The following LRRIQ1 variants were observed in gnomAD, a reference collection of about 807,000 sequenced individuals.
LRRIQ1 encodes leucine rich repeats and IQ motif containing 1, also known as leucine-rich repeat- and IQ domain-containing protein 1.
Under a neutral mutation model 211.9 loss-of-function variants are expected in LRRIQ1, and 210 were observed. The observed-to-expected ratio is 0.99, with a 90% CI of 0.89 to 1.11. The LOEUF is 1.11. Among genes scored for constraint, LRRIQ1 ranks in the 50% most tolerant of loss-of-function variants. The probability of loss-of-function intolerance (pLI) is 0.00; values close to 1 mark genes in which losing one functional copy is unlikely to be tolerated. For missense variants in LRRIQ1, 2,136 were observed against 1,939.5 expected (o/e 1.10, Z -1.90); for synonymous variants, 699 against 650.1 (o/e 1.08, Z -1.14).
intron 24 of LRRIQ1, among the ~76,000 whole-genome samples, chr12:85,227,862 A>G (rs1013499200): frequency 1.3e-5 from 2 of 152,196 alleles, no homozygotes; most frequent in African/African-American, 4.8e-5. Flanking sequence ...CTCAGCAATA[A>G]TACCACACAT....
intron 15 of LRRIQ1, among the ~76,000 whole-genome samples, chr12:85,116,620 A>G (rs952780006): frequency 2.0e-5 from 3 of 152,148 alleles, no homozygotes; most frequent in Non-Finnish European, 4.4e-5. Flanking sequence ...AACACATGTC[A>G]TGGGGGTTTG....
chr12:85,103,398 T>G (rs1886533633), intron 13 of LRRIQ1, among the ~76,000 whole-genome samples: 1 of 151,696 alleles, frequency 6.6e-6, no homozygotes, highest in Non-Finnish European at 1.5e-5. Context: ...ATTTACATAT[T>G]GAGTATATTT....
chr12:85,036,523 C>T (rs1878096394), intron 1 of LRRIQ1, 116 bp downstream of exon 1: 1 of 152,224 alleles, frequency 6.6e-6, no homozygotes, highest in South Asian at 2.1e-4. Context: ...GGAGAGACCG[C>T]GGGTCAGGGG....
At chr12:85,241,048 G>A (rs1895435432) in intron 26 of LRRIQ1, among the ~76,000 whole-genome samples, 1 of 152,060 alleles carries the variant, frequency 6.6e-6, no homozygotes, top group African/African-American at 2.4e-5. Flanking sequence ...ATTAGGGCAT[G>A]TGAAAGCTAG....
At chr12:85,129,567 A>G (rs565580876) in intron 18 of LRRIQ1, among the ~76,000 whole-genome samples, 1 of 152,302 alleles carries the variant, frequency 6.6e-6, no homozygotes, top group East Asian at 1.9e-4. Flanking sequence ...ATGGATGTGT[A>G]AGACCAGGAA....
rs567289168 is a variant in LRRIQ1 at position 85,072,063 on chromosome 12, A to T, written c.2696-844A>T. Among the ~76,000 whole-genome samples, 9 of 152,124 alleles carry T rather than the reference A, an allele frequency of 5.9e-5. No homozygotes were observed. In the East Asian group the frequency reaches 1.6e-3, roughly 26 times the overall value. On this transcript the variant is annotated intron_variant, in intron 10 of 26. Coordinates refer to ENST00000393217, the MANE Select transcript of LRRIQ1 (RefSeq NM_001079910.2). ...TTCTATTTTGAGTTAAATATTTCAT[A>T]CAATTATTTTTAAATTTTTTCAATC...
chr12:85,103,864 A>G (rs1169251172), intron 13 of LRRIQ1, 140 bp from the exon 14 acceptor site: 3 of 329,358 alleles, frequency 9.1e-6, no homozygotes, highest in Middle Eastern at 9.7e-4. Context: ...TTGTACAATT[A>G]TAATTGTATA....
Position 85,052,191 on chromosome 12 carries a change from G to T in LRRIQ1, c.693G>T (p.Lys231Asn). ...CATATGTTCAGCAAGAACAGGACAA[G>T]ATGAATGATGAACTCTATAAAGAAG... ...LENIQKQEQDKMNDELYKEEK... is the reference protein window; with the variant it reads ...LENIQKQEQDNMNDELYKEEK... The change falls in exon 7 of 27, where the codon AAG becomes AAT. Residue 231 changes from lysine to asparagine, a missense_variant. Lys to Asn is a moderately conservative substitution (Grantham distance 94, BLOSUM62 0). Coordinates refer to ENST00000393217, the MANE Select transcript of LRRIQ1 (RefSeq NM_001079910.2). 6.5e-7 allele frequency: 1 copy of T among 1,538,254 alleles called. No homozygotes were observed. The highest frequency in any genetic ancestry group is 8.9e-7 in the Non-Finnish European group (1 of 1,129,088).
chr12:85,102,647 C>T (rs939752544), intron 13 of LRRIQ1, among the ~76,000 whole-genome samples: 6 of 151,440 alleles, frequency 4.0e-5, no homozygotes, highest in African/African-American at 9.7e-5. Flanking sequence ...CCCCATGAGG[C>T]TTCCACTCAC....
At chr12:85,179,291 A>C (rs1301994240) in intron 24 of LRRIQ1, among the ~76,000 whole-genome samples, 1 of 151,834 alleles carries the variant, frequency 6.6e-6, no homozygotes, top group Non-Finnish European at 1.5e-5. Context: ...TATCCCACTG[A>C]CTTCAGTGTC....
chr12:85,197,981 T>C (rs534684594), intron 24 of LRRIQ1, among the ~76,000 whole-genome samples: 4 of 99,574 alleles, frequency 4.0e-5, no homozygotes, highest in African/African-American at 1.7e-4. Flanking sequence ...TATATATAAT[T>C]ATATTATATA....
chr12:85,069,786 GT>G (rs1193795305), intron 10 of LRRIQ1, among the ~76,000 whole-genome samples: 5 of 152,002 alleles, frequency 3.3e-5, no homozygotes, highest in African/African-American at 4.8e-5. Context: ...TGATGGGGTT[GT>G]TTGTTTTTTT....
At chr12:85,149,990 C>T (rs1890134478) in intron 19 of LRRIQ1, among the ~76,000 whole-genome samples, 1 of 151,728 alleles carries the variant, frequency 6.6e-6, no homozygotes, top group Non-Finnish European at 1.5e-5. Context: ...ATCAACATCT[C>T]TATGATGTGG....
intron 26 of LRRIQ1, among the ~76,000 whole-genome samples, 158 bp from the exon 27 acceptor site, chr12:85,244,631 G>T (rs1336324525): frequency 6.6e-6 from 1 of 151,662 alleles, no homozygotes; most frequent in Non-Finnish European, 1.5e-5. Flanking sequence ...TTGACATAGT[G>T]CATTTGTTCT....
chr12:85,066,689 T>C, intron 9 of LRRIQ1, 59 bp from the exon 10 acceptor site: 1 of 1,371,616 alleles, frequency 7.3e-7, no homozygotes, highest in Non-Finnish European at 9.9e-7. Flanking sequence ...TTGAAAGCTT[T>C]AAATAGTTCA....
In LRRIQ1 at chr12:85,052,170, T is replaced by C; in HGVS notation, c.679-7T>C. ...TATAGTCATATTTATTATTATCATA[T>C]GTTCAGCAAGAACAGGACAAGATGA... On this transcript the variant is annotated splice_polypyrimidine_tract_variant and splice_region_variant and intron_variant, in intron 6 of 26. Coordinates refer to ENST00000393217, the MANE Select transcript of LRRIQ1 (RefSeq NM_001079910.2). The C allele has an allele frequency of 6.9e-7, 1 of 1,447,926 alleles. No homozygotes were observed. Among genetic ancestry groups the C allele is most frequent in the Non-Finnish European group, 9.4e-7 (1 of 1,061,586 alleles). The allele number at this position is 1,447,926 out of a possible 1,614,324, so 89.7% of individuals were successfully genotyped here.
chr12:85,110,312 A>T (rs1001665569), intron 15 of LRRIQ1, among the ~76,000 whole-genome samples: 12 of 152,150 alleles, frequency 7.9e-5, no homozygotes, highest in Non-Finnish European at 1.5e-4. Context: ...TAACCATGAA[A>T]AATAATAATG....
intron 15 of LRRIQ1, among the ~76,000 whole-genome samples, chr12:85,110,854 G>A (rs956420470): frequency 6.6e-6 from 1 of 152,064 alleles, no homozygotes; most frequent in African/African-American, 2.4e-5. Context: ...ATTGGAAGGA[G>A]ATGAGAAATC....
chr12:85,174,564 T>C (rs2136833842), intron 24 of LRRIQ1, among the ~76,000 whole-genome samples: 1 of 150,420 alleles, frequency 6.6e-6, no homozygotes, highest in South Asian at 2.1e-4. Flanking sequence ...TAGCTGGGCA[T>C]GCTGCTGTGT....
Sources: gnomAD v4.1 joint callset for allele counts (sites outside exome capture counted in the v4.1 genomes callset) on GRCh38, gnomAD v4.1.1 for gene constraint, MANE v1.5 for transcripts, NCBI Gene and HGNC (gene_info 2026-07-23, HGNC 2026-07-21) for gene names.